Variants in FBXO31 observed in about 807,000 individuals in gnomAD.
The protein encoded by FBXO31 is F-box only protein 31.
FBXO31 carries 24 observed loss-of-function variants against 54.4 expected under a neutral mutation model. That is an observed-to-expected ratio of 0.44 (90% CI 0.32 to 0.62). FBXO31 has a LOEUF of 0.62. Ranked by LOEUF, FBXO31 falls within the 20% of genes least tolerant of loss-of-function variation. FBXO31 has a pLI of 0.05. For missense variants in FBXO31, 665 were observed against 787.1 expected, an observed-to-expected ratio of 0.84 and a Z score of 1.86; for synonymous variants, 388 against 335.6, an observed-to-expected ratio of 1.16 and a Z score of -1.71.
chr16:87,350,033 A>G (rs1905579437), intron 2 of FBXO31, among the ~76,000 whole-genome samples: 1 of 152,210 alleles, frequency 6.6e-6, no homozygotes, highest in Non-Finnish European at 1.5e-5. Context: ...TGCACAGTCC[A>G]CATGTTGGCG....
At chr16:87,388,714 C>T (rs1306153468), upstream of FBXO31, 1 of 152,224 alleles carries the variant, frequency 6.6e-6, no homozygotes, top group African/African-American at 2.4e-5. Flanking sequence ...CCATCACATT[C>T]AATTCTTAGC....
At chr16:87,372,732 CTTTT>C (rs540984671) in intron 1 of FBXO31, among the ~76,000 whole-genome samples, 1 of 129,728 alleles carries the variant, frequency 7.7e-6, no homozygotes, top group Non-Finnish European at 1.6e-5. Flanking sequence ...GGTTAATTTC[CTTTT>C]TTTTTTTTTT....
chr16:87,373,276 CCT>C (rs1238541307), intron 1 of FBXO31, among the ~76,000 whole-genome samples: 1 of 151,678 alleles, frequency 6.6e-6, no homozygotes, highest in African/African-American at 2.4e-5. Flanking sequence ...ACAGTGAAAC[CCT>C]GTCTCTACTA....
chr16:87,343,802 C>T (rs1412107208), intron 3 of FBXO31, 37 bp from the exon 4 acceptor site: 3 of 1,611,440 alleles, frequency 1.9e-6, no homozygotes, highest in African/African-American at 1.3e-5. Flanking sequence ...ATGAGTGGCT[C>T]CCGGGCCAGA....
chr16:87,337,066 C>G (rs1905063499), intron 5 of FBXO31, among the ~76,000 whole-genome samples: 2 of 152,204 alleles, frequency 1.3e-5, no homozygotes, highest in South Asian at 4.1e-4. Flanking sequence ...CGACAAGAAA[C>G]AGAAATCACT....
Position 87,335,555 on chromosome 16 carries a change from G to A in FBXO31, c.843-98C>T, listed in dbSNP as rs1905022745. The A allele has an allele frequency of 8.9e-7, 1 of 1,125,314 alleles. No homozygotes were observed. Among genetic ancestry groups the A allele is most frequent in the Non-Finnish European group, 1.2e-6 (1 of 804,030 alleles). The allele number at this position is 1,125,314 out of a possible 1,614,324, so 69.7% of individuals were successfully genotyped here. A position where few individuals can be genotyped will look rare whatever the true frequency, so the allele number is the denominator to read the frequency against. ...GGATGAGCTTTGCAGGGCGGGGTAG[G>A]GCGGGCAGCTCAGCTCAACCAGGGC... On this transcript the variant is annotated intron_variant, in intron 6 of 8. Transcript: ENST00000311635. This position sits in a 1 kb window ranked among gnomAD's most constrained non-coding sequence, Gnocchi z 5.7.
intron 1 of FBXO31, among the ~76,000 whole-genome samples, chr16:87,376,859 A>G (rs1906845366): frequency 1.3e-5 from 2 of 152,216 alleles, no homozygotes; most frequent in African/African-American, 4.8e-5. Flanking sequence ...ATCCACCATA[A>G]CGAAATGTTA....
intron 1 of FBXO31, among the ~76,000 whole-genome samples, chr16:87,369,087 C>T (rs923919908): frequency 6.6e-6 from 1 of 152,110 alleles, no homozygotes; most frequent in Admixed American, 6.5e-5. Flanking sequence ...CTGCACCCGG[C>T]CTTTATTTTT....
At chr16:87,384,360 G>C (rs1907251008), upstream of FBXO31, among the ~76,000 whole-genome samples, 1 of 152,310 alleles carries the variant, frequency 6.6e-6, no homozygotes, top group Admixed American at 6.5e-5. Context: ...AGGGACCTTC[G>C]GGGATCCCGA....
intron 2 of FBXO31, among the ~76,000 whole-genome samples, chr16:87,353,414 C>T (rs965731681): frequency 6.6e-6 from 1 of 152,218 alleles, no homozygotes; most frequent in African/African-American, 2.4e-5. Flanking sequence ...CAGAATGTGG[C>T]CCTCTGTGGA....
chr16:87,331,233 G>T lies in FBXO31; in HGVS notation c.*55C>A. 1 of 1,555,402 alleles carries T rather than the reference G, an allele frequency of 6.4e-7. No individual in the cohort carries two copies. The highest frequency in any genetic ancestry group is 1.4e-5 in the African/African-American group (1 of 73,926). Reference sequence around the variant, plus strand: ...AAGTGCATGCTGCTTCTATTCACAGGTCAGAGTTCAGAGCCCCAGAGCCAC... The same window carrying T: ...AAGTGCATGCTGCTTCTATTCACAGTTCAGAGTTCAGAGCCCCAGAGCCAC... On this transcript the variant is annotated 3_prime_UTR_variant, in exon 9 of 9. Transcript: ENST00000311635.
chr16:87,342,705 C>A (rs1039385259), intron 5 of FBXO31, among the ~76,000 whole-genome samples, 172 bp downstream of exon 5: 1 of 152,226 alleles, frequency 6.6e-6, no homozygotes, highest in South Asian at 2.1e-4. Flanking sequence ...CGATGCTGTT[C>A]CTCGAGTGTG....
intron 8 of FBXO31, among the ~76,000 whole-genome samples, chr16:87,333,573 A>T: frequency 6.6e-6 from 1 of 152,228 alleles, no homozygotes; most frequent in Middle Eastern, 3.2e-3. Context: ...GTAGCTTTAG[A>T]AGCCCCTGGG....
intron 1 of FBXO31, among the ~76,000 whole-genome samples, chr16:87,373,459 A>T (rs1422584553): frequency 6.6e-6 from 1 of 152,130 alleles, no homozygotes; most frequent in Non-Finnish European, 1.5e-5. Flanking sequence ...CTCAAAAAAA[A>T]TAATTATATA....
At chr16:87,356,097 C>T (rs1333032545) in intron 2 of FBXO31, among the ~76,000 whole-genome samples, 1 of 151,986 alleles carries the variant, frequency 6.6e-6, no homozygotes, top group Non-Finnish European at 1.5e-5. Flanking sequence ...GGCGTGGTGG[C>T]AGGCGCCTGG....
intron 2 of FBXO31, among the ~76,000 whole-genome samples, chr16:87,356,711 T>C (rs1361732046): frequency 6.6e-6 from 1 of 152,218 alleles, no homozygotes; most frequent in East Asian, 1.9e-4. Flanking sequence ...GTGAAATTAC[T>C]CTTTCTGCTT....
At chr16:87,337,911 C>T (rs1275073005) in intron 5 of FBXO31, among the ~76,000 whole-genome samples, 1 of 151,528 alleles carries the variant, frequency 6.6e-6, no homozygotes, top group African/African-American at 2.4e-5. Context: ...CAGAAAATAA[C>T]CATAAAAGAA....
In FBXO31 at chr16:87,338,045, T is replaced by C. The variant is rs541454981; in HGVS notation, c.733-1781A>G. 1.3e-5 allele frequency among the ~76,000 whole-genome samples: 2 copies of C among 152,220 alleles called. No individual in the cohort carries two copies. Among genetic ancestry groups the C allele is most frequent in the South Asian group, 4.1e-4 (2 of 4,824 alleles). Reference sequence around the variant, plus strand: ...TGAATGTAATGAACAAAGATTTCAATGTTACCGCTGTGAGTACTGCGACTT... The same window carrying C: ...TGAATGTAATGAACAAAGATTTCAACGTTACCGCTGTGAGTACTGCGACTT... On this transcript the variant is annotated intron_variant, in intron 5 of 8. Coordinates refer to ENST00000311635, the MANE Select transcript of FBXO31 (RefSeq NM_024735.5). This position sits in a 1 kb window ranked among gnomAD's most constrained non-coding sequence, Gnocchi z 4.3.
Position 87,334,097 on chromosome 16 carries a change from C to A in FBXO31, c.1186G>T (p.Gly396Cys). Residue 396 changes from glycine (G) to cysteine (C), a missense_variant, in exon 8 of 9, where the codon GGC becomes TGC. Coordinates refer to ENST00000311635, the MANE Select transcript of FBXO31 (RefSeq NM_024735.5). ...GGGCTTGGCTGGGACTCCCGGGGGC[C>A]CTGCCGGCCACGACCCTCGCCCGCC... Reference protein sequence around the residue: ...HEAGEGRGRQGPRESQPSPAQ... With the variant: ...HEAGEGRGRQCPRESQPSPAQ... 6.2e-7 allele frequency: 1 copy of A among 1,610,312 alleles called. No individual in the cohort carries two copies. The highest frequency in any genetic ancestry group is 8.5e-7 in the Non-Finnish European group (1 of 1,178,456).
Sources: allele counts gnomAD v4.1 joint callset (sites outside exome capture counted in the v4.1 genomes callset), GRCh38; gene constraint gnomAD v4.1.1; non-coding constraint Gnocchi (gnomAD v3.1); transcripts MANE v1.5; gene names NCBI Gene and HGNC (gene_info 2026-07-23, HGNC 2026-07-21).